The following BMP6 variants were observed in gnomAD, a reference collection of about 807,000 sequenced individuals.
BMP6 encodes the protein bone morphogenetic protein 6, also known as VG-1-R.
In BMP6, 17 loss-of-function variants were observed where a neutral mutation model predicts 54.1. The ratio of observed to expected loss-of-function variants is 0.31; its 90% CI spans 0.22 to 0.47. BMP6 has a LOEUF of 0.47. BMP6 is among the 20% of genes least tolerant of loss of function. The pLI, the probability that BMP6 is intolerant of heterozygous loss-of-function variation, is 1.00. For synonymous variants in BMP6, 328 were observed against 291.2 expected, an observed-to-expected ratio of 1.13 and a Z score of -1.28; for missense variants, 720 against 690.4, an observed-to-expected ratio of 1.04 and a Z score of -0.48.
At chr6:7,798,233 G>C (rs1307821848) in intron 1 of BMP6, among the ~76,000 whole-genome samples, 1 of 152,198 alleles carries the variant, frequency 6.6e-6, no homozygotes, top group East Asian at 1.9e-4. Context: ...AGGCCACAGG[G>C]TATACCTTTA....
chr6:7,816,596 C>G (rs1033355780), intron 1 of BMP6, among the ~76,000 whole-genome samples: 2 of 152,174 alleles, frequency 1.3e-5, no homozygotes, highest in African/African-American at 4.8e-5. Context: ...TGGAAGGGCT[C>G]TCAGTTAAAG....
intron 4 of BMP6, among the ~76,000 whole-genome samples, chr6:7,868,768 A>T (rs1364699862): frequency 6.6e-6 from 1 of 152,146 alleles, no homozygotes; most frequent in Non-Finnish European, 1.5e-5. Flanking sequence ...CTGAGCGGGG[A>T]CACCCGGCTG....
intron 1 of BMP6, among the ~76,000 whole-genome samples, chr6:7,768,228 G>T (rs1682440122): frequency 6.6e-6 from 1 of 152,136 alleles, no homozygotes; most frequent in South Asian, 2.1e-4. Flanking sequence ...AGTATGAAAG[G>T]ATTTTTCTCC....
intron 1 of BMP6, among the ~76,000 whole-genome samples, chr6:7,760,621 C>T (rs1264270853): frequency 6.6e-6 from 1 of 152,116 alleles, no homozygotes; most frequent in Non-Finnish European, 1.5e-5. Context: ...ACGCCTGCCA[C>T]CACACCCAGC....
intron 2 of BMP6, among the ~76,000 whole-genome samples, chr6:7,857,368 T>A (rs1759257980): frequency 6.6e-6 from 1 of 152,230 alleles, no homozygotes; most frequent in Non-Finnish European, 1.5e-5. Context: ...AGTAACACTG[T>A]TACATCCTTG....
At chr6:7,846,068 A>G (rs1350028594) in intron 2 of BMP6, among the ~76,000 whole-genome samples, 1 of 152,230 alleles carries the variant, frequency 6.6e-6, no homozygotes, top group African/African-American at 2.4e-5. Context: ...GGGTCAGTTT[A>G]GTAAGTCAGT....
intron 1 of BMP6, among the ~76,000 whole-genome samples, chr6:7,772,193 T>A (rs1377548754): frequency 6.6e-6 from 1 of 152,192 alleles, no homozygotes; most frequent in Non-Finnish European, 1.5e-5. Context: ...TCAATGTGCA[T>A]AACCAAACTC....
chr6:7,754,974 TC>T (rs796698499), intron 1 of BMP6, among the ~76,000 whole-genome samples: 11 of 152,216 alleles, frequency 7.2e-5, no homozygotes, highest in African/African-American at 2.6e-4. Context: ...TGCCTTGGCC[TC>T]CCAAAGTGCT....
intron 4 of BMP6, among the ~76,000 whole-genome samples, chr6:7,875,406 A>G (rs1023149083): frequency 1.8e-4 from 28 of 152,178 alleles, no homozygotes; most frequent in African/African-American, 6.0e-4. Context: ...TGCCAGACTC[A>G]GTAGCTTACA....
intron 1 of BMP6, among the ~76,000 whole-genome samples, chr6:7,761,183 G>C (rs1177544587): frequency 2.0e-5 from 3 of 152,190 alleles, no homozygotes; most frequent in Non-Finnish European, 4.4e-5. Context: ...ACACACAGCT[G>C]TTTTATGAGA....
At chr6:7,823,174 C>T (rs1417394621) in intron 1 of BMP6, among the ~76,000 whole-genome samples, 1 of 152,140 alleles carries the variant, frequency 6.6e-6, no homozygotes, top group Non-Finnish European at 1.5e-5. Context: ...TCCTGAGCAT[C>T]TCCTGCAGAT....
intron 1 of BMP6, among the ~76,000 whole-genome samples, chr6:7,815,461 T>C (rs181036555): frequency 6.6e-6 from 1 of 152,338 alleles, no homozygotes; most frequent in East Asian, 1.9e-4. Context: ...ATCAGATGTT[T>C]ATAAAAAGCT....
chr6:7,872,816 T>C (rs1759550609), intron 4 of BMP6, among the ~76,000 whole-genome samples: 1 of 146,978 alleles, frequency 6.8e-6, no homozygotes, highest in Non-Finnish European at 1.5e-5. Flanking sequence ...TTTTTTTTCT[T>C]TTTTTTTTTT....
At chr6:7,755,427 C>T (rs1757499785) in intron 1 of BMP6, among the ~76,000 whole-genome samples, 2 of 152,150 alleles carry the variant, frequency 1.3e-5, no homozygotes, top group South Asian at 2.1e-4. Context: ...TACCACTTCA[C>T]GTAGAATGTA....
chr6:7,873,551 G>T (rs896729563), intron 4 of BMP6, among the ~76,000 whole-genome samples: 2 of 152,056 alleles, frequency 1.3e-5, no homozygotes, highest in African/African-American at 2.4e-5. Flanking sequence ...TGAATCATTG[G>T]TCACATGATT....
At chr6:7,793,829 C>T (rs963712065) in intron 1 of BMP6, among the ~76,000 whole-genome samples, 3 of 152,200 alleles carry the variant, frequency 2.0e-5, no homozygotes, top group Non-Finnish European at 2.9e-5. Flanking sequence ...CAGATATCCA[C>T]GGGCTGTCAG....
intron 1 of BMP6, among the ~76,000 whole-genome samples, chr6:7,813,977 C>A (rs906033591): frequency 1.1e-4 from 16 of 152,148 alleles, no homozygotes; most frequent in African/African-American, 3.9e-4. Flanking sequence ...TGGAAGAATT[C>A]AGTTTTGCAG....
At chr6:7,853,232 T>A (rs965793480) in intron 2 of BMP6, among the ~76,000 whole-genome samples, 6 of 152,166 alleles carry the variant, frequency 3.9e-5, no homozygotes, top group African/African-American at 1.4e-4. Context: ...GTATTTTTTT[T>A]AGTGGGAATG....
At chr6:7,737,032 A>G (rs978916688) in intron 1 of BMP6, among the ~76,000 whole-genome samples, 6 of 152,142 alleles carry the variant, frequency 3.9e-5, no homozygotes, top group Non-Finnish European at 8.8e-5. Flanking sequence ...TACTAAAAAT[A>G]CAAAAACTAG....
Sources: gnomAD v4.1 joint callset for allele counts (sites outside exome capture counted in the v4.1 genomes callset) on GRCh38, gnomAD v4.1.1 for gene constraint, MANE v1.5 for transcripts, NCBI Gene and HGNC (gene_info 2026-07-23, HGNC 2026-07-21) for gene names.